Variants in ARL15 observed in about 807,000 individuals in gnomAD.
ARL15 encodes the protein ARF like GTPase 15.
In ARL15, 19 loss-of-function variants were observed where a neutral mutation model predicts 25.2. The ratio of observed to expected loss-of-function variants is 0.75; its 90% confidence interval spans 0.53 to 1.10. The LOEUF (loss-of-function observed/expected upper bound fraction) is 1.10. ARL15 is among the 50% of genes least tolerant of loss of function. The pLI is 0.00. For synonymous variants in ARL15, 94 were observed against 86.8 expected, an observed-to-expected ratio of 1.08 and a Z score of -0.46; for missense variants, 220 against 246.0, an observed-to-expected ratio of 0.89 and a Z score of 0.71.
intron 4 of ARL15, among the ~76,000 whole-genome samples, chr5:53,905,978 A>G (rs1208585666): frequency 6.6e-6 from 1 of 152,238 alleles, no homozygotes; most frequent in Non-Finnish European, 1.5e-5. Context: ...GCCTAGTCAC[A>G]GCATCTAATC....
chr5:54,092,681 G>A (rs1030221024), intron 4 of ARL15, among the ~76,000 whole-genome samples: 1 of 152,062 alleles, frequency 6.6e-6, no homozygotes, highest in Non-Finnish European at 1.5e-5. Flanking sequence ...CTCTAGTCCT[G>A]AAATCACCAG....
intron 4 of ARL15, among the ~76,000 whole-genome samples, chr5:54,062,735 A>G (rs1751107564): frequency 6.6e-6 from 1 of 152,192 alleles, no homozygotes; most frequent in Non-Finnish European, 1.5e-5. Flanking sequence ...ACTAATACAT[A>G]TACCATAAGA....
At chr5:54,259,524 G>A (rs2112618736) in intron 1 of ARL15, among the ~76,000 whole-genome samples, 1 of 152,288 alleles carries the variant, frequency 6.6e-6, no homozygotes, top group South Asian at 2.1e-4. Context: ...GTGACGGCAA[G>A]TGAAAGAAAC....
At chr5:54,008,071 A>T (rs1749105652) in intron 4 of ARL15, among the ~76,000 whole-genome samples, 1 of 152,222 alleles carries the variant, frequency 6.6e-6, no homozygotes, top group East Asian at 1.9e-4. Flanking sequence ...ATGTAGCATT[A>T]TGTGTCAGAG....
At chr5:53,952,074 C>A (rs572111412) in intron 4 of ARL15, among the ~76,000 whole-genome samples, 1 of 151,618 alleles carries the variant, frequency 6.6e-6, no homozygotes, top group East Asian at 1.9e-4. Flanking sequence ...ACCAGCCTGG[C>A]CAAGATGGTG....
Position 54,068,600 on chromosome 5 carries a change from T to C in ARL15, c.462+44602A>G, listed in dbSNP as rs1231748068. 2.6e-5 allele frequency among the ~76,000 whole-genome samples: 4 copies of C among 152,270 alleles called. No homozygotes were observed. In the South Asian group the frequency reaches 8.3e-4, roughly 32 times the overall value. On this transcript the variant is annotated intron_variant, in intron 4 of 4. Transcript: ENST00000504924. ...TGACCAACAGATAAAAGAGGTGAGA[T>C]AAATCCTATTAATAGGCAGCAAATT...
At chr5:54,025,889 A>G (rs887755170) in intron 4 of ARL15, among the ~76,000 whole-genome samples, 1 of 152,150 alleles carries the variant, frequency 6.6e-6, no homozygotes, top group African/African-American at 2.4e-5. Flanking sequence ...AATCATAGGT[A>G]TTGTTATTTC....
chr5:54,301,750 G>C (rs1330415627), intron 1 of ARL15, among the ~76,000 whole-genome samples: 4 of 152,126 alleles, frequency 2.6e-5, no homozygotes, highest in African/African-American at 4.8e-5. Context: ...AAGAGAAAGA[G>C]AGAGAGAGGC....
intron 4 of ARL15, among the ~76,000 whole-genome samples, chr5:54,020,371 C>G (rs1749558301): frequency 6.6e-6 from 1 of 152,154 alleles, no homozygotes; most frequent in Admixed American, 6.5e-5. Flanking sequence ...CCACCTCTCC[C>G]AGAGTGGGGG....
At chr5:53,977,827 T>C (rs1003430478) in intron 4 of ARL15, among the ~76,000 whole-genome samples, 1 of 152,100 alleles carries the variant, frequency 6.6e-6, no homozygotes, top group Non-Finnish European at 1.5e-5. Context: ...CTGTATGACC[T>C]TGGGCAAGTC....
chr5:54,128,071 T>C (rs1454605160), intron 3 of ARL15, among the ~76,000 whole-genome samples: 1 of 152,218 alleles, frequency 6.6e-6, no homozygotes, highest in Non-Finnish European at 1.5e-5. Flanking sequence ...GTCTCAGGTA[T>C]TTTGTTACAA....
chr5:54,005,749 C>G (rs1254834062), intron 4 of ARL15, among the ~76,000 whole-genome samples: 5 of 151,872 alleles, frequency 3.3e-5, no homozygotes, highest in Non-Finnish European at 7.4e-5. Flanking sequence ...GTAGTCCCAG[C>G]TACTCGGGAG....
intron 4 of ARL15, among the ~76,000 whole-genome samples, chr5:53,964,619 C>A (rs1014218482): frequency 2.0e-5 from 3 of 152,192 alleles, no homozygotes; most frequent in Non-Finnish European, 4.4e-5. Context: ...CTTGGCCTCC[C>A]AAAGTGCTGG....
intron 4 of ARL15, among the ~76,000 whole-genome samples, chr5:53,961,582 CT>C (rs1202160586): frequency 5.3e-5 from 8 of 150,230 alleles, no homozygotes; most frequent in African/African-American, 2.0e-4. Context: ...GCAAAAACCA[CT>C]TTTAAAAGAA....
intron 1 of ARL15, among the ~76,000 whole-genome samples, chr5:54,210,864 C>A (rs1325399327): frequency 6.6e-6 from 1 of 152,194 alleles, no homozygotes; most frequent in African/African-American, 2.4e-5. Flanking sequence ...AGTTGACAAA[C>A]AACTCATGGT....
intron 4 of ARL15, among the ~76,000 whole-genome samples, chr5:54,016,656 C>CT (rs1326212576): frequency 1.3e-5 from 2 of 152,168 alleles, no homozygotes; most frequent in African/African-American, 4.8e-5. Context: ...CAGGCCTCCA[C>CT]TTATTGCTGT....
At chr5:54,183,813 C>T (rs1235611785) in intron 1 of ARL15, among the ~76,000 whole-genome samples, 9 of 151,278 alleles carry the variant, frequency 5.9e-5, no homozygotes, top group East Asian at 1.9e-4. Flanking sequence ...ATGTTTATTG[C>T]GGCATTATTC....
At chr5:54,098,500 G>A (rs374264951) in intron 4 of ARL15, among the ~76,000 whole-genome samples, 2 of 151,986 alleles carry the variant, frequency 1.3e-5, no homozygotes, top group African/African-American at 2.4e-5. Flanking sequence ...GGAACTGCCC[G>A]GGGTTCCCAA....
chr5:54,266,239 C>T (rs1757621179), intron 1 of ARL15, among the ~76,000 whole-genome samples: 1 of 152,214 alleles, frequency 6.6e-6, no homozygotes, highest in African/African-American at 2.4e-5. Flanking sequence ...GGAAAATCCA[C>T]CTCCTCGGGA....
Sources: gnomAD v4.1 joint callset for allele counts (sites outside exome capture counted in the v4.1 genomes callset) on GRCh38, gnomAD v4.1.1 for gene constraint, MANE v1.5 for transcripts, NCBI Gene and HGNC (gene_info 2026-07-23, HGNC 2026-07-21) for gene names.